Variants in BTC observed in about 807,000 individuals in gnomAD.
BTC encodes the protein betacellulin.
BTC carries 13 observed loss-of-function variants against 18.1 expected under a neutral mutation model. The ratio of observed to expected loss-of-function variants is 0.72; its 90% CI spans 0.47 to 1.14. BTC has a LOEUF of 1.14. Ranked by LOEUF, BTC falls within the 50% of genes most tolerant of loss-of-function variation. The pLI is 0.00. For missense variants in BTC, 247 were observed against 224.2 expected (o/e 1.10, Z -0.65); for synonymous variants, 83 against 79.4 (o/e 1.05, Z -0.24).
At chr4:74,794,048 G>A (rs960863417) in intron 1 of BTC, among the ~76,000 whole-genome samples, 7 of 152,144 alleles carry the variant, frequency 4.6e-5, no homozygotes, top group African/African-American at 1.7e-4. Context: ...CTTCTCACGC[G>A]TCTAGGGACT....
chr4:74,773,266 C>T (rs1262302863), intron 1 of BTC, among the ~76,000 whole-genome samples: 1 of 152,142 alleles, frequency 6.6e-6, no homozygotes, highest in Non-Finnish European at 1.5e-5. Flanking sequence ...AAATGCTTTC[C>T]TAGCAACAGC....
At chr4:74,789,666 G>T (rs1725570203) in intron 1 of BTC, among the ~76,000 whole-genome samples, 1 of 152,064 alleles carries the variant, frequency 6.6e-6, no homozygotes, top group African/African-American at 2.4e-5. Flanking sequence ...TTTGTCCTAA[G>T]AAAACTTTCC....
In BTC at chr4:74,745,340, T is replaced by A. The variant is rs1397941761; in HGVS notation, c.*1337A>T. The A allele has an allele frequency of 6.6e-6, 1 of 152,210 alleles. No homozygotes were observed. The highest frequency in any genetic ancestry group is 1.5e-5 in the Non-Finnish European group (1 of 68,024). 9.4% of individuals were successfully genotyped at this position (152,210 alleles called of 1,614,324 possible). ...GCGATTTCAGCATTTGTCTGAATTC[T>A]CCACTTCACTATGGAATCTACATTG... On this transcript the variant is annotated 3_prime_UTR_variant, in exon 6 of 6. Transcript: ENST00000395743.
intron 2 of BTC, 74 bp from the exon 3 acceptor site, chr4:74,756,050 C>G: frequency 7.9e-7 from 1 of 1,268,056 alleles, no homozygotes; most frequent in Admixed American, 1.7e-5. Context: ...ATATTCTTAT[C>G]TTGCTGCCAG....
At chr4:74,754,396 C>G (rs1233682473) in intron 3 of BTC, among the ~76,000 whole-genome samples, 1 of 152,130 alleles carries the variant, frequency 6.6e-6, no homozygotes, top group East Asian at 1.9e-4. Context: ...AAAGAAACCA[C>G]CAGTTATGCT....
At chr4:74,768,259 C>A (rs926066618) in intron 2 of BTC, among the ~76,000 whole-genome samples, 6 of 152,018 alleles carry the variant, frequency 3.9e-5, no homozygotes, top group African/African-American at 1.4e-4. Flanking sequence ...AACAAGGAAA[C>A]AAATAACCTA....
chr4:74,751,719 A>T (rs1553956211), intron 3 of BTC, among the ~76,000 whole-genome samples: 1 of 152,196 alleles, frequency 6.6e-6, no homozygotes, highest in Non-Finnish European at 1.5e-5. Flanking sequence ...AATTATCTGA[A>T]CTGCATCAGA....
Position 74,755,966 on chromosome 4 carries a change from T to C in BTC, c.174A>G (p.Thr58=). 6.2e-7 allele frequency: 1 copy of C among 1,613,898 alleles called. No individual in the cohort carries two copies. The highest frequency in any genetic ancestry group is 2.2e-5 in the East Asian group (1 of 44,886). ...DPEENCAATT[T]QSKRKGHFSR... ...AGAAGTGGCCTTTCCGCTTTGATTG[T>C]GTGGTGGTAGCTGGAAAATGAGAAA... The change falls in exon 3 of 6, where the codon ACA becomes ACG. Residue 58 remains threonine (T), a synonymous_variant. Transcript: ENST00000395743.
At chr4:74,754,764 T>C (rs1194856756) in intron 3 of BTC, among the ~76,000 whole-genome samples, 1 of 151,980 alleles carries the variant, frequency 6.6e-6, no homozygotes, top group African/African-American at 2.4e-5. Flanking sequence ...TTACACACTG[T>C]GGTTTTCATT....
At chr4:74,769,123 G>A (rs1408613578) in intron 2 of BTC, among the ~76,000 whole-genome samples, 1 of 152,136 alleles carries the variant, frequency 6.6e-6, no homozygotes, top group African/African-American at 2.4e-5. Flanking sequence ...GCTAGGAAAG[G>A]AGCAGTTTGC....
At chr4:74,789,516 A>G (rs779069040) in intron 1 of BTC, among the ~76,000 whole-genome samples, 17 of 152,206 alleles carry the variant, frequency 1.1e-4, no homozygotes, top group Admixed American at 2.0e-4. Flanking sequence ...TCTAAATGAT[A>G]GTTATCTTTA....
chr4:74,792,006 CAA>C (rs1491266994), intron 1 of BTC, among the ~76,000 whole-genome samples: 10,591 of 138,384 alleles, frequency 0.077, 492 homozygotes, highest in African/African-American at 0.15. Context: ...CACACACACA[CAA>C]ACACTAGTGT....
chr4:74,761,622 T>C (rs1553957341), intron 2 of BTC, among the ~76,000 whole-genome samples: 1 of 152,240 alleles, frequency 6.6e-6, no homozygotes, highest in Non-Finnish European at 1.5e-5. Flanking sequence ...TCTTCTATTA[T>C]TTCAGCCAAA....
intron 1 of BTC, among the ~76,000 whole-genome samples, chr4:74,791,639 A>C (rs1725631931): frequency 6.6e-6 from 1 of 152,164 alleles, no homozygotes; most frequent in Non-Finnish European, 1.5e-5. Context: ...AAAATTTCTC[A>C]AAGAAAGTAG....
chr4:74,782,782 T>A (rs1725368133), intron 1 of BTC, among the ~76,000 whole-genome samples: 1 of 152,154 alleles, frequency 6.6e-6, no homozygotes, highest in African/African-American at 2.4e-5. Context: ...GACTTCTTAA[T>A]AATAGCCAAT....
At chr4:74,757,561 C>T (rs1013564600) in intron 2 of BTC, among the ~76,000 whole-genome samples, 1 of 152,158 alleles carries the variant, frequency 6.6e-6, no homozygotes, top group East Asian at 1.9e-4. Flanking sequence ...AACTTCCATT[C>T]GTTGAGTGTT....
chr4:74,748,227 T>C, intron 4 of BTC, 78 bp from the exon 5 acceptor site: 6 of 896,740 alleles, frequency 6.7e-6, no homozygotes, highest in Non-Finnish European at 8.6e-6. Context: ...AGAGATCCTA[T>C]GATCAGGTTT....
chr4:74,758,061 T>C (rs1239744758), intron 2 of BTC, among the ~76,000 whole-genome samples: 1 of 152,160 alleles, frequency 6.6e-6, no homozygotes, highest in Non-Finnish European at 1.5e-5. Context: ...GAGAAATGTA[T>C]GGAAAATGTA....
chr4:74,786,891 T>A (rs1046034096), intron 1 of BTC, among the ~76,000 whole-genome samples: 1 of 152,086 alleles, frequency 6.6e-6, no homozygotes, highest in Admixed American at 6.6e-5. Context: ...AAGTCCCATA[T>A]AATAAGGGAT....
Sources: allele counts gnomAD v4.1 joint callset (sites outside exome capture counted in the v4.1 genomes callset), GRCh38; gene constraint gnomAD v4.1.1; transcripts MANE v1.5; gene names NCBI Gene and HGNC (gene_info 2026-07-23, HGNC 2026-07-21).